Variants in LNX2 observed in about 807,000 individuals in gnomAD.
The protein encoded by LNX2 is ligand of numb-protein X 2.
LNX2 carries 35 observed loss-of-function variants against 66.2 expected under a neutral mutation model. The observed-to-expected ratio is 0.53, with a 90% CI of 0.40 to 0.70. LNX2 has a LOEUF of 0.70. LNX2 is among the 30% of genes least tolerant of loss of function. The pLI, the probability that LNX2 is intolerant of heterozygous loss-of-function variation, is 0.00. For missense variants in LNX2, 791 were observed against 850.8 expected (o/e 0.93, Z 0.87); for synonymous variants, 337 against 315.6 (o/e 1.07, Z -0.72).
chr13:27,581,132 G>A (rs556698511), intron 2 of LNX2, among the ~76,000 whole-genome samples, 165 bp downstream of exon 2: 1 of 152,278 alleles, frequency 6.6e-6, no homozygotes, highest in East Asian at 1.9e-4. Context: ...GATAAATAAT[G>A]TTAAATACTG....
chr13:27,569,760 TAGTG>T (rs1418261624), intron 2 of LNX2, among the ~76,000 whole-genome samples: 3 of 152,200 alleles, frequency 2.0e-5, no homozygotes, highest in Non-Finnish European at 4.4e-5. Flanking sequence ...AATTAGTGGG[TAGTG>T]AGACATCTGA....
At chr13:27,550,190 ACCAGT>A in intron 9 of LNX2, 138 bp downstream of exon 9, 1 of 642,864 alleles carries the variant, frequency 1.6e-6, no homozygotes, top group South Asian at 2.5e-5. Flanking sequence ...GAGTACATAA[ACCAGT>A]AAGTGTAGCT....
chr13:27,597,044 CT>C (rs1955605828), intron 1 of LNX2, among the ~76,000 whole-genome samples: 1 of 152,194 alleles, frequency 6.6e-6, no homozygotes, highest in Admixed American at 6.5e-5. Context: ...TCATAAACTT[CT>C]TTATCATTAG....
intron 4 of LNX2, 33 bp downstream of exon 4, chr13:27,567,607 G>T (rs759906043): frequency 6.3e-7 from 1 of 1,583,708 alleles, no homozygotes; most frequent in Non-Finnish European, 8.7e-7. Context: ...GGAACAAAAA[G>T]GCACAAGTTA....
At chr13:27,601,887 A>T (rs1864800864) in intron 1 of LNX2, among the ~76,000 whole-genome samples, 1 of 152,142 alleles carries the variant, frequency 6.6e-6, no homozygotes. Flanking sequence ...ATTTTCAAAC[A>T]TACTAAAAAG....
intron 7 of LNX2, among the ~76,000 whole-genome samples, chr13:27,555,825 A>G (rs1955053373): frequency 6.6e-6 from 1 of 152,220 alleles, no homozygotes; most frequent in African/African-American, 2.4e-5. Context: ...GGAATATGAA[A>G]TGGCAAATGC....
chr13:27,580,823 C>A (rs964485342), intron 2 of LNX2, among the ~76,000 whole-genome samples: 15 of 152,220 alleles, frequency 9.9e-5, no homozygotes, highest in South Asian at 6.2e-4. Context: ...TATTTTTTAA[C>A]CCTTCCCTAC....
Position 27,569,091 on chromosome 13 carries a change from G to A in LNX2, c.593C>T (p.Ser198Phe). ...VERHLTSASL[S>F]TWSEEPGLDN... Reference sequence around the variant, plus strand: ...AAGGCCAGGCTCCTCACTCCATGTGGAAAGAGACGCTGATGTCAAGTGCCG... The same window carrying A: ...AAGGCCAGGCTCCTCACTCCATGTGAAAAGAGACGCTGATGTCAAGTGCCG... The change falls in exon 3 of 10, where the codon TCC becomes TTC. Residue 198 changes from serine to phenylalanine, a missense_variant. Physicochemically the swap from Ser to Phe is radical, Grantham distance 155. Transcript: ENST00000316334. 1 of 1,613,674 alleles carries A rather than the reference G, an allele frequency of 6.2e-7. No individual in the cohort carries two copies. Among genetic ancestry groups the A allele is most frequent in the African/African-American group, 1.3e-5 (1 of 74,958 alleles).
At chr13:27,590,123 TGTATTTTTA>T (rs1955531929) in intron 1 of LNX2, among the ~76,000 whole-genome samples, 1 of 152,208 alleles carries the variant, frequency 6.6e-6, no homozygotes, top group Non-Finnish European at 1.5e-5. Flanking sequence ...CTAATTTTTT[TGTATTTTTA>T]GTAGAGACGG....
chr13:27,581,642 G>A lies in LNX2; in HGVS notation c.62C>T (p.Pro21Leu). ...VEQTSSSSLN[P>L]LCFECGQQHW... ...CTGTTGGCCACATTCAAAACACAGG[G>A]GGTTTAGAGAAGAGGAGGAGGTCTG... Residue 21 changes from proline to leucine, a missense_variant, in exon 2 of 10, where the codon CCC becomes CTC. Transcript: ENST00000316334. 1.2e-6 allele frequency: 2 copies of A among 1,614,014 alleles called. No homozygotes were observed. The highest frequency in any genetic ancestry group is 1.7e-6 in the Non-Finnish European group (2 of 1,179,962).
rs1175285547 is a variant in LNX2, at chr13:27,559,905, A to T, written c.1305T>A (p.Asn435Lys). ...TGTGGTGCTGGCTGCTGCTGCTATG[A>T]TTTCCTGCTTCTCTAATGGTGTTAC... ...QPGNTIREAG[N>K]HSSSSQHHTP... is the part of the protein sequence containing the mutation. The change falls in exon 6 of 10, where the codon AAT becomes AAA. Residue 435 changes from asparagine to lysine, a missense_variant. Asn to Lys is a moderately conservative substitution (Grantham distance 94). Transcript: ENST00000316334. 1.7e-5 allele frequency: 28 copies of T among 1,611,122 alleles called. No homozygotes were observed. Among genetic ancestry groups the T allele is most frequent in the Non-Finnish European group, 2.4e-5 (28 of 1,178,326 alleles).
At chr13:27,610,691 C>T (rs1311950151) in intron 1 of LNX2, among the ~76,000 whole-genome samples, 1 of 152,052 alleles carries the variant, frequency 6.6e-6, no homozygotes, top group African/African-American at 2.4e-5. Flanking sequence ...GACACATCAA[C>T]AGAATGAAAA....
chr13:27,570,006 G>A (rs911665909), intron 2 of LNX2, among the ~76,000 whole-genome samples: 3 of 152,120 alleles, frequency 2.0e-5, no homozygotes, highest in Non-Finnish European at 2.9e-5. Context: ...AAAAGGAGCC[G>A]ATGGATGCTT....
intron 1 of LNX2, among the ~76,000 whole-genome samples, chr13:27,583,416 C>A (rs1955445760): frequency 6.6e-6 from 1 of 152,010 alleles, no homozygotes; most frequent in South Asian, 2.1e-4. Context: ...CGCCACCACA[C>A]CTGGCTAATT....
At chr13:27,569,396 C>T (rs1214906204) in intron 2 of LNX2, 120 bp from the exon 3 acceptor site, 2 of 1,025,620 alleles carry the variant, frequency 2.0e-6, no homozygotes, top group East Asian at 4.8e-5. Flanking sequence ...TACCTATAGG[C>T]AGCACATAGT....
At chr13:27,551,043 T>A (rs1453032058) in intron 8 of LNX2, among the ~76,000 whole-genome samples, 1 of 152,262 alleles carries the variant, frequency 6.6e-6, no homozygotes, top group Non-Finnish European at 1.5e-5. Context: ...TTACTTAGGA[T>A]GTTTTCATTT....
chr13:27,550,840 T>G (rs971140496), intron 8 of LNX2, among the ~76,000 whole-genome samples: 9 of 152,164 alleles, frequency 5.9e-5, no homozygotes, highest in African/African-American at 2.2e-4. Flanking sequence ...TCAATTCTAC[T>G]AATCACTTTT....
At chr13:27,573,924 GAA>G (rs58411252) in intron 2 of LNX2, among the ~76,000 whole-genome samples, 8,169 of 131,356 alleles carry the variant, frequency 0.062, 346 homozygotes, top group Non-Finnish European at 0.086. Context: ...CCATTCACAG[GAA>G]AAAAAAAAAA....
intron 1 of LNX2, among the ~76,000 whole-genome samples, chr13:27,619,025 GC>G (rs1206876404): frequency 2.0e-5 from 3 of 152,216 alleles, no homozygotes; most frequent in Non-Finnish European, 4.4e-5. Context: ...GCCATCAATG[GC>G]TGGCATGCAG....
Sources: gnomAD v4.1 joint callset for allele counts (sites outside exome capture counted in the v4.1 genomes callset) on GRCh38, gnomAD v4.1.1 for gene constraint, MANE v1.5 for transcripts, NCBI Gene and HGNC (gene_info 2026-07-23, HGNC 2026-07-21) for gene names.